Variants in PITPNM3 observed in about 807,000 individuals in gnomAD.
PITPNM3 encodes the protein membrane-associated phosphatidylinositol transfer protein 3.
A neutral mutation model predicts 102.0 loss-of-function variants in PITPNM3; 26 were observed. That is an observed-to-expected ratio of 0.25 (90% CI 0.19 to 0.35). The LOEUF (loss-of-function observed/expected upper bound fraction) is 0.35. Among genes scored for constraint, PITPNM3 ranks in the 10% least tolerant of loss-of-function variants. The probability of loss-of-function intolerance (pLI) is 1.00; values close to 1 mark genes in which losing one functional copy is unlikely to be tolerated. For synonymous variants in PITPNM3, 578 were observed against 558.6 expected, an observed-to-expected ratio of 1.03 and a Z score of -0.49; for missense variants, 1,083 against 1,346.1, an observed-to-expected ratio of 0.80 and a Z score of 3.06.
chr17:6,476,221 G>A (rs921285875), intron 9 of PITPNM3, among the ~76,000 whole-genome samples: 3 of 151,022 alleles, frequency 2.0e-5, no homozygotes, highest in African/African-American at 7.4e-5. Flanking sequence ...TGTTAACAAT[G>A]AGACTGTTGG....
intron 4 of PITPNM3, among the ~76,000 whole-genome samples, chr17:6,499,221 C>G (rs1907022155): frequency 6.6e-6 from 1 of 152,188 alleles, no homozygotes; most frequent in African/African-American, 2.4e-5. Context: ...GCCAGGCTGC[C>G]AGGCCGCCTG....
chr17:6,525,353 C>T lies in PITPNM3; in HGVS notation c.226+3G>A, dbSNP rs549233947. 3 of 1,613,836 alleles carry T rather than the reference C, an allele frequency of 1.9e-6. No individual in the cohort carries two copies. Among genetic ancestry groups the T allele is most frequent in the African/African-American group, 2.7e-5 (2 of 75,038 alleles). On this transcript the variant is annotated splice_donor_region_variant and intron_variant, in intron 3 of 19. Coordinates refer to ENST00000262483, the MANE Select transcript of PITPNM3 (RefSeq NM_031220.4). ...CCTGGTCATGAGAGAAGCAGAGTCT[C>T]ACCTTGATGCTCGTCCAGTTTCCCC...
intron 1 of PITPNM3, among the ~76,000 whole-genome samples, chr17:6,539,302 T>A: frequency 6.6e-6 from 1 of 152,162 alleles, no homozygotes; most frequent in East Asian, 1.9e-4. Flanking sequence ...TAACTGTGTG[T>A]TCCTAACACA....
Position 6,477,287 on chromosome 17 carries a change from C to G in PITPNM3, c.901-74G>C, listed in dbSNP as rs1597371978. On this transcript the variant is annotated intron_variant, in intron 8 of 19. Transcript: ENST00000262483. ...AGACTCTGGGGCCTTGTCTCCTCCC[C>G]CCAAGCACAAACCAACCCCTTCATC... 2.0e-6 allele frequency: 3 copies of G among 1,506,610 alleles called. 1 individual carries two copies. In the Middle Eastern group the frequency reaches 5.2e-4, roughly 262 times the overall value. 93.3% of individuals were successfully genotyped at this position (1,506,610 alleles called of 1,614,324 possible). A position where few individuals can be genotyped will look rare whatever the true frequency, so the allele number is the denominator to read the frequency against.
chr17:6,531,361 C>A (rs1966778), intron 2 of PITPNM3, among the ~76,000 whole-genome samples: 16,406 of 152,178 alleles, frequency 0.11, 1,514 homozygotes, highest in African/African-American at 0.25. Flanking sequence ...TTCAAAAGAC[C>A]GTTTCATTTT....
rs763552465 is a variant in PITPNM3 at position 6,512,976 on chromosome 17, CAA to C, written c.227-9404_227-9403del. 1.8e-3 allele frequency among the ~76,000 whole-genome samples: 272 copies of C among 150,966 alleles called. 2 individuals are homozygous for C. The highest frequency in any genetic ancestry group is 3.4e-3 in the Admixed American group (52 of 15,132). On this transcript the variant is annotated intron_variant, in intron 3 of 19. Coordinates refer to ENST00000262483, the MANE Select transcript of PITPNM3 (RefSeq NM_031220.4). The stretch of plus-strand genomic sequence containing the variant: ...CTGAGTGGAATTTATCCCAGGAATG[CAA>C]AGTTATTCAGTATGTGAAAATCAAT...
chr17:6,456,690 C>T (rs1033398056), intron 19 of PITPNM3, among the ~76,000 whole-genome samples: 11 of 152,164 alleles, frequency 7.2e-5, no homozygotes, highest in East Asian at 1.9e-4. Context: ...ACCCTCTACC[C>T]GCGGGTCACT....
chr17:6,515,641 C>T (rs1028204855), intron 3 of PITPNM3, among the ~76,000 whole-genome samples: 3 of 152,046 alleles, frequency 2.0e-5, no homozygotes, highest in African/African-American at 7.2e-5. Flanking sequence ...ATCAAGATGT[C>T]TCCTGCTCTG....
In PITPNM3 at chr17:6,507,409, C is replaced by T. The variant is rs374998023; in HGVS notation, c.227-3835G>A. Among the ~76,000 whole-genome samples the T allele has an allele frequency of 9.2e-4, 136 of 147,400 alleles. 1 individual carries two copies. The Middle Eastern group carries it at 0.048, about 52-fold the overall frequency. On this transcript the variant is annotated intron_variant, in intron 3 of 19. Transcript: ENST00000262483. Reference sequence around the variant, plus strand: ...GACCAGCCTGGCCAACATGGTGAAACCCCGTCTCTACTAAAAATACAAAAA... The same window carrying T: ...GACCAGCCTGGCCAACATGGTGAAATCCCGTCTCTACTAAAAATACAAAAA...
chr17:6,493,453 G>T (rs868835488), intron 4 of PITPNM3, among the ~76,000 whole-genome samples: 5 of 152,226 alleles, frequency 3.3e-5, no homozygotes, highest in South Asian at 2.1e-4. Flanking sequence ...TTTCTGGAGA[G>T]CCATTCCAAG....
Position 6,458,032 on chromosome 17 carries a change from T to G in PITPNM3, c.2491-310A>C, listed in dbSNP as rs1914182063. ...AGCGTTCCTTTGTGGATAAGGAAAT[T>G]GAGTTCCAGGTTTCTGGCTCACAGG... On this transcript the variant is annotated intron_variant, in intron 18 of 19. Transcript: ENST00000262483. The surrounding 1 kb of genome is among the most constrained non-coding windows in gnomAD (Gnocchi z 5.1). Among the ~76,000 whole-genome samples, 1 of 152,134 alleles carries G rather than the reference T, an allele frequency of 6.6e-6. No homozygotes were observed. The highest frequency in any genetic ancestry group is 6.5e-5 in the Admixed American group (1 of 15,280).
rs765143355 is a variant in PITPNM3, at chr17:6,455,505, G to C, written c.2758C>G (p.Arg920Gly). The C allele has an allele frequency of 1.2e-5, 20 of 1,605,824 alleles. No homozygotes were observed. Among genetic ancestry groups the C allele is most frequent in the Non-Finnish European group, 1.0e-5 (12 of 1,179,598 alleles). ...GACATGGTTCTGCGCAGGTGGTTGCGCTTCCGCAGGAACTCTGGCTGCGCG... is the reference window on the plus strand; with the variant it reads ...GACATGGTTCTGCGCAGGTGGTTGCCCTTCCGCAGGAACTCTGGCTGCGCG... ...LHAQPEFLRK[R>G]NHLRRTMSVQ... The change falls in exon 20 of 20, where the codon CGC becomes GGC. Residue 920 changes from arginine to glycine, a missense_variant. By Grantham distance (125) the Arg-to-Gly change is moderately radical (BLOSUM62 -2). Transcript: ENST00000262483.
At chr17:6,533,844 G>A (rs1909270516) in intron 2 of PITPNM3, among the ~76,000 whole-genome samples, 1 of 152,182 alleles carries the variant, frequency 6.6e-6, no homozygotes, top group Non-Finnish European at 1.5e-5. Context: ...GGCTGGGGCA[G>A]GACTCGCTTG....
At chr17:6,510,651 T>G (rs376356717) in intron 3 of PITPNM3, among the ~76,000 whole-genome samples, 5 of 152,302 alleles carry the variant, frequency 3.3e-5, no homozygotes, top group African/African-American at 1.2e-4. Flanking sequence ...AGGGAAGGAA[T>G]GTATGAGTGC....
chr17:6,487,658 G>A (rs1210218863), intron 4 of PITPNM3, among the ~76,000 whole-genome samples: 2 of 152,174 alleles, frequency 1.3e-5, no homozygotes, highest in African/African-American at 2.4e-5. Context: ...TCCTGGGCAC[G>A]ATGCCCTCTG....
rs1427876450 is a variant in PITPNM3, at chr17:6,478,504, CG to C, written c.777+42del. 1 of 1,606,828 alleles carries C rather than the reference CG, an allele frequency of 6.2e-7. No homozygotes were observed. Among genetic ancestry groups the C allele is most frequent in the Non-Finnish European group, 8.5e-7 (1 of 1,174,302 alleles). On this transcript the variant is annotated intron_variant, in intron 7 of 19. Transcript: ENST00000262483. This position sits in a 1 kb window ranked among gnomAD's most constrained non-coding sequence, Gnocchi z 4.4. ...TCCAGCCTCTCTCCCAGGCCGGGGC[CG>C]GAACAGGGGAGGGGAGAGGAGGAGA...
intron 1 of PITPNM3, among the ~76,000 whole-genome samples, chr17:6,549,731 G>C (rs932453675): frequency 1.3e-5 from 2 of 152,178 alleles, no homozygotes; most frequent in African/African-American, 4.8e-5. Flanking sequence ...AGATTTGAGG[G>C]AGTGGGTGGG....
chr17:6,522,474 T>C (rs1908590922), intron 3 of PITPNM3, among the ~76,000 whole-genome samples: 1 of 152,172 alleles, frequency 6.6e-6, no homozygotes, highest in African/African-American at 2.4e-5. Flanking sequence ...TTGTGGAGCA[T>C]AAGGAGTCTT....
intron 1 of PITPNM3, among the ~76,000 whole-genome samples, chr17:6,552,145 G>A (rs1412652493): frequency 6.6e-6 from 1 of 152,180 alleles, no homozygotes; most frequent in Non-Finnish European, 1.5e-5. Context: ...ACACCCCTCA[G>A]AGCAGAGGCT....
Sources: gnomAD v4.1 joint callset for allele counts (sites outside exome capture counted in the v4.1 genomes callset) on GRCh38, gnomAD v4.1.1 for gene constraint, Gnocchi (gnomAD v3.1) non-coding constraint, MANE v1.5 for transcripts, NCBI Gene and HGNC (gene_info 2026-07-23, HGNC 2026-07-21) for gene names.